LMNA: variants seen among roughly 807,000 people sequenced by gnomAD.
LMNA encodes the protein lamin A/C, also known as lamin.
LMNA carries 20 observed loss-of-function variants against 70.4 expected under a neutral mutation model. The observed-to-expected ratio is 0.28, with a 90% confidence interval of 0.20 to 0.41. LMNA has a LOEUF of 0.41. Among genes scored for constraint, LMNA ranks in the 10% least tolerant of loss-of-function variants. LMNA has a pLI of 1.00. For missense variants in LMNA, 652 were observed against 917.2 expected (o/e 0.71, Z 3.73); for synonymous variants, 339 against 372.8 (o/e 0.91, Z 1.04).
Position 156,139,884 on chromosome 1 carries a change from C to T in LMNA, c.*778C>T, listed in dbSNP as rs777957193. On this transcript the variant is annotated 3_prime_UTR_variant, in exon 12 of 12. Transcript: ENST00000368300. ...TCTGTGCAGTCACTGGAGGTTGAAG[C>T]CAAGTGGGGTGCTGGGAGGAGGGAG... is the stretch of plus-strand genomic sequence containing the variant. The T allele has an allele frequency of 4.2e-6, 6 of 1,443,486 alleles. No individual in the cohort carries two copies. In the South Asian group the frequency reaches 8.3e-5, roughly 20 times the overall value. 89.4% of individuals were successfully genotyped at this position (1,443,486 alleles called of 1,614,324 possible). A position where few individuals can be genotyped will look rare whatever the true frequency, so the allele number is the denominator to read the frequency against.
At chr1:156,090,299 A>T (rs1648648414) in intron 2 of LMNA, among the ~76,000 whole-genome samples, 1 of 152,162 alleles carries the variant, frequency 6.6e-6, no homozygotes, top group African/African-American at 2.4e-5. Context: ...CACTCATTTT[A>T]CAGAGGAGAC....
At chr1:156,086,256 G>T (rs1169058396) in intron 2 of LMNA, among the ~76,000 whole-genome samples, 1 of 152,202 alleles carries the variant, frequency 6.6e-6, no homozygotes, top group Non-Finnish European at 1.5e-5. Flanking sequence ...GGCACTGGAG[G>T]AGATTTATTC....
Position 156,135,949 on chromosome 1 carries a change from C to T in LMNA, c.985C>T (p.Arg329Cys), listed in dbSNP as rs775159300. 8.7e-6 allele frequency: 14 copies of T among 1,613,922 alleles called. No homozygotes were observed. The highest frequency in any genetic ancestry group is 1.7e-4 in the Middle Eastern group (1 of 6,060). The change falls in exon 6 of 12, where the codon CGT (arginine) becomes TGT (cysteine). Residue 329 changes from arginine (R) to cysteine (C), a missense_variant. This residue lies in a region of LMNA where 38 missense variants were observed against 32.5 expected (regional missense o/e 1.17). Transcript: ENST00000368300. The surrounding 1 kb of genome is among the most constrained non-coding windows in gnomAD (Gnocchi z 4.8). ...TCGAGACCTGGAGGACTCACTGGCC[C>T]GTGAGCGGGACACCAGCCGGCGGCT... ...KLRDLEDSLA[R>C]ERDTSRRLLA...
intron 1 of LMNA, among the ~76,000 whole-genome samples, chr1:156,130,183 G>C (rs981510783): frequency 2.6e-5 from 4 of 152,176 alleles, no homozygotes; most frequent in Non-Finnish European, 5.9e-5. Flanking sequence ...GAGCTTAGTT[G>C]TCAGGCTCCT....
chr1:156,122,611 C>T lies in LMNA; in HGVS notation c.356+7337C>T, dbSNP rs1484890388. Among the ~76,000 whole-genome samples the T allele has an allele frequency of 3.3e-5, 5 of 152,214 alleles. No individual in the cohort carries two copies. The East Asian group carries it at 9.6e-4, about 29-fold the overall frequency. ...AAAGGGCAACTCGTTTTCGATGCCT[C>T]TCCCTTCTGGACGGTGGAAAGGGCT... On this transcript the variant is annotated intron_variant, in intron 1 of 11. Transcript: ENST00000368300.
At position 156,135,478 on chromosome 1, in the gene LMNA, A is replaced by G; in HGVS notation, c.936+166A>G. Reference sequence around the variant, plus strand: ...GAAGGGTCGCAGGATGTGGAGTCAGATGGCCTGTGTGCTGTTTCTGTACAC... The same window carrying G: ...GAAGGGTCGCAGGATGTGGAGTCAGGTGGCCTGTGTGCTGTTTCTGTACAC... On this transcript the variant is annotated intron_variant, in intron 5 of 11. Coordinates refer to ENST00000368300, the MANE Select transcript of LMNA (RefSeq NM_170707.4). The surrounding 1 kb of genome is among the most constrained non-coding windows in gnomAD (Gnocchi z 4.8). 1.5e-5 allele frequency: 13 copies of G among 867,568 alleles called. No individual in the cohort carries two copies. In the South Asian group the frequency reaches 1.9e-4, roughly 13 times the overall value. The allele number at this position is 867,568 out of a possible 1,614,324, so 53.7% of individuals were successfully genotyped here.
In LMNA at chr1:156,137,178, C is replaced by T; in HGVS notation, c.1554C>T (p.Asn518=). ...PPTDLVWKAQ[N]TWGCGNSLRT... is the part of the protein sequence containing the mutation. The stretch of plus-strand genomic sequence containing the variant: ...CCGACCTGGTGTGGAAGGCACAGAA[C>T]ACCTGGGGCTGCGGGAACAGCCTGC... The change falls in exon 9 of 12, where the codon AAC becomes AAT. Residue 518 remains asparagine (N), a synonymous_variant. Transcript: ENST00000368300. This position sits in a 1 kb window ranked among gnomAD's most constrained non-coding sequence, Gnocchi z 4.6. The T allele has an allele frequency of 6.2e-7, 1 of 1,610,694 alleles. No homozygotes were observed. The highest frequency in any genetic ancestry group is 8.5e-7 in the Non-Finnish European group (1 of 1,178,720).
At chr1:156,089,121 G>T (rs973432596) in intron 2 of LMNA, among the ~76,000 whole-genome samples, 1 of 151,982 alleles carries the variant, frequency 6.6e-6, no homozygotes, top group Non-Finnish European at 1.5e-5. Context: ...TGGTCTACAG[G>T]CATGCGCACC....
chr1:156,114,142 C>T (rs1190404532), upstream of LMNA, among the ~76,000 whole-genome samples: 1 of 152,270 alleles, frequency 6.6e-6, no homozygotes. Context: ...TTTGCTCCCC[C>T]CAGGGAACCC....
intron 1 of LMNA, among the ~76,000 whole-genome samples, chr1:156,122,660 ATGCG>A (rs1650272452): frequency 6.6e-6 from 1 of 152,150 alleles, no homozygotes; most frequent in South Asian, 2.1e-4. Context: ...GGAACGGGAG[ATGCG>A]GCACAGGAAT....
rs1651745969 is a variant in LMNA, at chr1:156,137,288, A to G, written c.1608+56A>G. 2.0e-6 allele frequency: 3 copies of G among 1,537,228 alleles called. No homozygotes were observed. The highest frequency in any genetic ancestry group is 1.4e-5 in the African/African-American group (1 of 73,068). The stretch of plus-strand genomic sequence containing the variant: ...GACGAGGCTCCCCCTGATGGCCAAC[A>G]TCGGAGCCAGCTGCCCCCAACCCAA... On this transcript the variant is annotated intron_variant, in intron 9 of 11. Coordinates refer to ENST00000368300, the MANE Select transcript of LMNA (RefSeq NM_170707.4). This position sits in a 1 kb window ranked among gnomAD's most constrained non-coding sequence, Gnocchi z 4.6.
At chr1:156,090,693 G>A (rs1648663218) in intron 3 of LMNA, 1 of 152,474 alleles carries the variant, frequency 6.6e-6, no homozygotes, top group African/African-American at 2.4e-5. Flanking sequence ...GAGGGTGGAG[G>A]GAGTGGTTCC....
At chr1:156,124,274 C>A (rs1327925636) in intron 1 of LMNA, among the ~76,000 whole-genome samples, 1 of 151,706 alleles carries the variant, frequency 6.6e-6, no homozygotes, top group Non-Finnish European at 1.5e-5. Flanking sequence ...CAGCTGCCCC[C>A]CTCAGTTCCT....
intron 1 of LMNA, among the ~76,000 whole-genome samples, chr1:156,128,209 A>G (rs572377609): frequency 3.9e-5 from 6 of 152,298 alleles, no homozygotes; most frequent in African/African-American, 1.2e-4. Flanking sequence ...TAAGCTCTAT[A>G]TAAGTGTTTG....
rs1439843091 is a variant in LMNA at position 156,126,989 on chromosome 1, G to GT, written c.357-3626dup. On this transcript the variant is annotated intron_variant, in intron 1 of 11. Transcript: ENST00000368300. ...AGCATGAGTCACCTGAGGGGCCCAG[G>GT]TTCCCACCCTTCCCAGCTCCTCTGG... The GT allele has an allele frequency of 7.8e-6, 11 of 1,417,116 alleles. No homozygotes were observed. The East Asian group carries it at 2.7e-4, about 35-fold the overall frequency. The allele number at this position is 1,417,116 out of a possible 1,614,324, so 87.8% of individuals were successfully genotyped here. A position where few individuals can be genotyped will look rare whatever the true frequency, so the allele number is the denominator to read the frequency against.
chr1:156,101,212 GC>G (rs1649128794), intron 3 of LMNA, among the ~76,000 whole-genome samples: 1 of 152,180 alleles, frequency 6.6e-6, no homozygotes, highest in Non-Finnish European at 1.5e-5. Flanking sequence ...TGTGGGCTGG[GC>G]GTGGCACCTC....
chr1:156,083,469 C>T (rs952706574), intron 2 of LMNA: 3 of 152,296 alleles, frequency 2.0e-5, no homozygotes, highest in Non-Finnish European at 2.9e-5. Context: ...TAGCACTCAT[C>T]GTAATTTCCA....
intron 3 of LMNA, among the ~76,000 whole-genome samples, chr1:156,095,545 C>T (rs1168900056): frequency 1.4e-5 from 2 of 147,836 alleles, no homozygotes; most frequent in African/African-American, 2.5e-5. Flanking sequence ...TTAGTAGAGA[C>T]GGGGTTTCAC....
intron 2 of LMNA, among the ~76,000 whole-genome samples, chr1:156,086,428 T>C (rs866313564): frequency 5.6e-4 from 65 of 115,576 alleles, no homozygotes; most frequent in African/African-American, 1.6e-3. Flanking sequence ...CTCTCTCTTT[T>C]GTCTTTCTTA....
Sources: gnomAD v4.1 joint callset for allele counts (sites outside exome capture counted in the v4.1 genomes callset) on GRCh38, gnomAD v4.1.1 for gene constraint, gnomAD v4.1.1 regional missense constraint, Gnocchi (gnomAD v3.1) non-coding constraint, MANE v1.5 for transcripts, NCBI Gene and HGNC (gene_info 2026-07-23, HGNC 2026-07-21) for gene names.